PPM1D: variants seen among roughly 807,000 people sequenced by gnomAD.
PPM1D encodes protein phosphatase 1D.
A neutral mutation model predicts 58.3 loss-of-function variants in PPM1D; 52 were observed. That is an observed-to-expected ratio of 0.89 (90% CI 0.71 to 1.12). The LOEUF (loss-of-function observed/expected upper bound fraction) is 1.12, where lower values mean the gene tolerates loss of function less well. Ranked by LOEUF, PPM1D falls within the 50% of genes most tolerant of loss-of-function variation. PPM1D has a pLI of 0.00. For missense variants in PPM1D, 564 were observed against 777.2 expected (o/e 0.73, Z 3.26); for synonymous variants, 278 against 285.1 (o/e 0.98, Z 0.25).
At chr17:60,625,253 C>T (rs1276445566) in intron 2 of PPM1D, among the ~76,000 whole-genome samples, 1 of 152,152 alleles carries the variant, frequency 6.6e-6, no homozygotes, top group South Asian at 2.1e-4. Flanking sequence ...CAGTAGTAAA[C>T]ATTTGGTGAA....
At chr17:60,621,872 T>C (rs1218328920) in intron 1 of PPM1D, among the ~76,000 whole-genome samples, 1 of 142,946 alleles carries the variant, frequency 7.0e-6, no homozygotes, top group Non-Finnish European at 1.5e-5. Flanking sequence ...TCCCAGCGTG[T>C]TAAGAGTTAT....
chr17:60,628,115 T>C (rs1159545613), intron 2 of PPM1D, among the ~76,000 whole-genome samples: 1 of 152,198 alleles, frequency 6.6e-6, no homozygotes, highest in African/African-American at 2.4e-5. Context: ...CCCAAAGTGC[T>C]GGCATTTCAG....
At chr17:60,613,891 C>G (rs1053067948) in intron 1 of PPM1D, among the ~76,000 whole-genome samples, 1 of 108,002 alleles carries the variant, frequency 9.3e-6, no homozygotes, top group South Asian at 2.5e-4. Context: ...ATACCTGAGG[C>G]CCCCCCCCCG....
intron 2 of PPM1D, among the ~76,000 whole-genome samples, chr17:60,625,779 C>T (rs542833431): frequency 8.5e-5 from 13 of 152,076 alleles, no homozygotes; most frequent in African/African-American, 2.4e-4. Context: ...AATGCAGAGA[C>T]ATGGGAATAA....
chr17:60,637,253 CTTTTTTTG>C (rs2031042397), intron 3 of PPM1D, among the ~76,000 whole-genome samples: 1 of 151,552 alleles, frequency 6.6e-6, no homozygotes, highest in South Asian at 2.1e-4. Flanking sequence ...TTCTTTCTTT[CTTTTTTTG>C]TTTTTTTGAG....
intron 3 of PPM1D, among the ~76,000 whole-genome samples, chr17:60,636,767 C>T (rs2143680680): frequency 6.6e-6 from 1 of 151,900 alleles, no homozygotes; most frequent in South Asian, 2.1e-4. Flanking sequence ...CCCTAAAGTC[C>T]TGGGCTCAAG....
At chr17:60,632,666 A>G (rs2143672394) in intron 2 of PPM1D, among the ~76,000 whole-genome samples, 1 of 152,312 alleles carries the variant, frequency 6.6e-6, no homozygotes, top group Admixed American at 6.5e-5. Context: ...AGCCCAGGCA[A>G]CATAGTGAGA....
At chr17:60,644,071 GT>G (rs896664064) in intron 3 of PPM1D, among the ~76,000 whole-genome samples, 1 of 151,328 alleles carries the variant, frequency 6.6e-6, no homozygotes, top group African/African-American at 2.4e-5. Flanking sequence ...TAGAGCCGGG[GT>G]TTCACCGTGT....
At chr17:60,650,607 A>G (rs1253757379) in intron 4 of PPM1D, among the ~76,000 whole-genome samples, 3 of 152,160 alleles carry the variant, frequency 2.0e-5, no homozygotes, top group Non-Finnish European at 4.4e-5. Flanking sequence ...AGTAGAATTG[A>G]CAGCTCTTAT....
chr17:60,662,572 T>A (rs746497035), intron 5 of PPM1D: 63 of 159,048 alleles, frequency 4.0e-4, no homozygotes, highest in Non-Finnish European at 7.6e-4. Flanking sequence ...GCGATACTTT[T>A]GATCTTCTCC....
intron 1 of PPM1D, among the ~76,000 whole-genome samples, chr17:60,603,098 A>G (rs1213118785): frequency 6.6e-6 from 1 of 152,174 alleles, no homozygotes; most frequent in Non-Finnish European, 1.5e-5. Flanking sequence ...CTCAAACAAA[A>G]ATATATCCAT....
At chr17:60,619,925 G>A (rs555526840) in intron 1 of PPM1D, among the ~76,000 whole-genome samples, 171 of 152,138 alleles carry the variant, frequency 1.1e-3, no homozygotes, top group Non-Finnish European at 1.4e-3. Context: ...TTGCCCATTT[G>A]TATGACTTCT....
At chr17:60,630,111 G>A (rs903370974) in intron 2 of PPM1D, among the ~76,000 whole-genome samples, 2 of 152,108 alleles carry the variant, frequency 1.3e-5, no homozygotes, top group African/African-American at 4.8e-5. Context: ...GCCAAGATGG[G>A]AGGATCACTT....
intron 1 of PPM1D, among the ~76,000 whole-genome samples, chr17:60,606,782 A>G (rs372120507): frequency 6.6e-6 from 1 of 152,086 alleles, no homozygotes; most frequent in African/African-American, 2.4e-5. Context: ...TATGGAATGA[A>G]AGAGTATATA....
chr17:60,620,343 T>C (rs185323841), intron 1 of PPM1D, among the ~76,000 whole-genome samples: 1 of 152,242 alleles, frequency 6.6e-6, no homozygotes, highest in East Asian at 1.9e-4. Context: ...GTTTTGCTAT[T>C]GAGTTGTATG....
chr17:60,648,645 G>C (rs1394931242), intron 4 of PPM1D, among the ~76,000 whole-genome samples: 1 of 152,106 alleles, frequency 6.6e-6, no homozygotes, highest in Non-Finnish European at 1.5e-5. Context: ...CTCCCAAAGT[G>C]CTGGGATTAC....
At chr17:60,605,392 C>G (rs2030309073) in intron 1 of PPM1D, among the ~76,000 whole-genome samples, 1 of 152,174 alleles carries the variant, frequency 6.6e-6, no homozygotes, top group Non-Finnish European at 1.5e-5. Flanking sequence ...ATCTGCCTGT[C>G]AGCTAAATCT....
Position 60,647,998 on chromosome 17 carries a change from G to A in PPM1D, c.933G>A (p.Leu311=). The A allele has an allele frequency of 6.2e-7, 1 of 1,613,958 alleles. No individual in the cohort carries two copies. Among genetic ancestry groups the A allele is most frequent in the South Asian group, 1.1e-5 (1 of 91,056 alleles). ...LDPQKHKYII[L]GSDGLWNMIP... ...CTCAGAAGCACAAGTATATTATATTGGGGAGTGATGGACTTTGGAATATGA... is the reference window on the plus strand; with the variant it reads ...CTCAGAAGCACAAGTATATTATATTAGGGAGTGATGGACTTTGGAATATGA... The change falls in exon 4 of 6, where the codon TTG becomes TTA. Residue 311 remains leucine (L), a synonymous_variant. Coordinates refer to ENST00000305921, the MANE Select transcript of PPM1D (RefSeq NM_003620.4).
rs2030193405 is a variant in PPM1D at position 60,600,823 on chromosome 17, A to G, written c.409A>G (p.Lys137Glu). The change falls in exon 1 of 6, where the codon AAG (lysine) becomes GAG (glutamate). Residue 137 changes from lysine (K) to glutamate (E), a missense_variant. By Grantham distance (56) the Lys-to-Glu change is moderately conservative. Coordinates refer to ENST00000305921, the MANE Select transcript of PPM1D (RefSeq NM_003620.4). ...GGGTTTCACCTCGTCCGAGCCGGCT[A>G]AGGTTTGCGCTGCCATCCGCAAAGG... ...QKGFTSSEPA[K>E]VCAAIRKGFL... 6.2e-7 allele frequency: 1 copy of G among 1,612,956 alleles called. No individual in the cohort carries two copies.
Sources: gnomAD v4.1 joint callset for allele counts (sites outside exome capture counted in the v4.1 genomes callset) on GRCh38, gnomAD v4.1.1 for gene constraint, MANE v1.5 for transcripts, NCBI Gene and HGNC (gene_info 2026-07-23, HGNC 2026-07-21) for gene names.